Variants in NDUFAF2 observed in about 807,000 individuals in gnomAD.
NDUFAF2 encodes the protein NADH:ubiquinone oxidoreductase complex assembly factor 2, also known as NADH dehydrogenase [ubiquinone] 1 alpha subcomplex assembly factor 2.
Under a neutral mutation model 22.8 loss-of-function variants are expected in NDUFAF2, and 13 were observed. The ratio of observed to expected loss-of-function variants is 0.57; its 90% CI spans 0.37 to 0.91. NDUFAF2 has a LOEUF of 0.91. NDUFAF2 is among the 40% of genes least tolerant of loss of function. NDUFAF2 has a pLI of 0.01. For missense variants in NDUFAF2, 162 were observed against 195.2 expected (o/e 0.83, Z 1.01); for synonymous variants, 53 against 64.2 (o/e 0.83, Z 0.84).
chr5:61,013,403 T>C (rs1751466055), intron 1 of NDUFAF2, among the ~76,000 whole-genome samples: 1 of 152,192 alleles, frequency 6.6e-6, no homozygotes, highest in Admixed American at 6.5e-5. Context: ...TAATAATTTC[T>C]TTCAACTCTC....
chr5:60,983,872 T>G (rs565339965), intron 1 of NDUFAF2, among the ~76,000 whole-genome samples: 303 of 152,324 alleles, frequency 2.0e-3, no homozygotes, highest in Non-Finnish European at 3.7e-3. Context: ...TAGGATTGTC[T>G]TGGCAATGTG....
chr5:61,011,099 A>G (rs7716539), intron 1 of NDUFAF2, among the ~76,000 whole-genome samples: 9,531 of 152,192 alleles, frequency 0.063, 997 homozygotes, highest in African/African-American at 0.22. Flanking sequence ...ATGTGAGAGA[A>G]AAATAAATAT....
intron 2 of NDUFAF2, among the ~76,000 whole-genome samples, chr5:61,083,828 A>G (rs933878640): frequency 2.0e-5 from 3 of 151,758 alleles, no homozygotes; most frequent in East Asian, 3.8e-4. Context: ...TTGTATATCA[A>G]CTGTGTACTT....
intron 3 of NDUFAF2, among the ~76,000 whole-genome samples, chr5:61,122,022 G>T (rs541464096): frequency 3.3e-5 from 5 of 151,936 alleles, no homozygotes; most frequent in Admixed American, 6.6e-5. Flanking sequence ...TAGAGATGAG[G>T]TTTTACCATA....
At chr5:61,131,084 A>G (rs1473327514) in intron 3 of NDUFAF2, among the ~76,000 whole-genome samples, 3 of 152,180 alleles carry the variant, frequency 2.0e-5, no homozygotes, top group East Asian at 3.8e-4. Context: ...GACTGAGGGG[A>G]AAAGTTTTAA....
At chr5:60,993,751 G>A (rs775649268) in intron 1 of NDUFAF2, among the ~76,000 whole-genome samples, 22 of 152,226 alleles carry the variant, frequency 1.4e-4, no homozygotes, top group Non-Finnish European at 2.9e-4. Flanking sequence ...GCAGAGAGGA[G>A]TTCCTGGAGT....
chr5:61,006,452 A>G (rs1398635726), intron 1 of NDUFAF2, among the ~76,000 whole-genome samples: 1 of 152,170 alleles, frequency 6.6e-6, no homozygotes. Flanking sequence ...TATGAACTTT[A>G]AAGTAGTTTT....
chr5:60,993,912 C>T (rs769574517), intron 1 of NDUFAF2, among the ~76,000 whole-genome samples: 2 of 152,234 alleles, frequency 1.3e-5, no homozygotes, highest in Non-Finnish European at 2.9e-5. Flanking sequence ...CTCTGGTCTG[C>T]AAGACTGGCA....
chr5:61,019,329 A>G (rs1051553692), intron 1 of NDUFAF2, among the ~76,000 whole-genome samples: 3 of 152,098 alleles, frequency 2.0e-5, no homozygotes, highest in Admixed American at 1.3e-4. Context: ...TGTCTGGCAC[A>G]TAGTAAGTGC....
At chr5:60,946,715 T>G (rs1750463352) in intron 1 of NDUFAF2, among the ~76,000 whole-genome samples, 1 of 152,222 alleles carries the variant, frequency 6.6e-6, no homozygotes, top group Non-Finnish European at 1.5e-5. Context: ...TTTATTGTTT[T>G]TGACAAATGA....
At chr5:61,027,637 C>T (rs1751667724) in intron 1 of NDUFAF2, among the ~76,000 whole-genome samples, 1 of 151,944 alleles carries the variant, frequency 6.6e-6, no homozygotes, top group South Asian at 2.1e-4. Flanking sequence ...TTAGGTCATT[C>T]ATGTAATCCA....
rs1415054420 is a variant in NDUFAF2, at chr5:61,007,787, T to C, written c.127+62405T>C. ...GAACTAGAAATACCATTTGACCCAG[T>C]CATCCCATTACTGGGTATATACCCA... On this transcript the variant is annotated intron_variant, in intron 1 of 3. Coordinates refer to ENST00000296597, the MANE Select transcript of NDUFAF2 (RefSeq NM_174889.5). Among the ~76,000 whole-genome samples, 40 of 152,176 alleles carry C rather than the reference T, an allele frequency of 2.6e-4. No individual in the cohort carries two copies. The South Asian group carries it at 7.9e-3, about 30-fold the overall frequency.
At chr5:60,978,762 C>T (rs892730513) in intron 1 of NDUFAF2, among the ~76,000 whole-genome samples, 2 of 152,138 alleles carry the variant, frequency 1.3e-5, no homozygotes, top group Non-Finnish European at 1.5e-5. Flanking sequence ...AGTTTTGGTG[C>T]TGTACTATGC....
intron 2 of NDUFAF2, among the ~76,000 whole-genome samples, chr5:61,090,360 G>A (rs1041558448): frequency 6.6e-6 from 1 of 151,932 alleles, no homozygotes; most frequent in African/African-American, 2.4e-5. Flanking sequence ...GTTTGTCTGT[G>A]TTCCAATCAA....
intron 1 of NDUFAF2, among the ~76,000 whole-genome samples, chr5:60,950,964 T>G (rs985988036): frequency 6.6e-6 from 1 of 152,192 alleles, no homozygotes; most frequent in Admixed American, 6.5e-5. Context: ...CTGGCTTCTT[T>G]CACTTAGTAA....
At chr5:61,055,612 C>T (rs1234830298) in intron 1 of NDUFAF2, among the ~76,000 whole-genome samples, 4 of 152,112 alleles carry the variant, frequency 2.6e-5, no homozygotes, top group Admixed American at 6.6e-5. Flanking sequence ...ATAAGTGGTG[C>T]TATTGTCACA....
At chr5:61,005,242 C>G (rs1346080924) in intron 1 of NDUFAF2, among the ~76,000 whole-genome samples, 1 of 152,102 alleles carries the variant, frequency 6.6e-6, no homozygotes, top group Non-Finnish European at 1.5e-5. Context: ...CTAGCTTCAT[C>G]CATGTCCCTA....
chr5:60,995,484 A>G (rs1751217296), intron 1 of NDUFAF2, among the ~76,000 whole-genome samples: 1 of 152,216 alleles, frequency 6.6e-6, no homozygotes, highest in Non-Finnish European at 1.5e-5. Flanking sequence ...TCTCTAGATT[A>G]CCAGGCAGAG....
chr5:61,004,082 T>C (rs2928246), intron 1 of NDUFAF2, among the ~76,000 whole-genome samples: 22,582 of 152,174 alleles, frequency 0.15, 2,131 homozygotes, highest in South Asian at 0.28. Flanking sequence ...TTGCCTATCC[T>C]GTAAAATATT....
Sources: allele counts gnomAD v4.1 joint callset (sites outside exome capture counted in the v4.1 genomes callset), GRCh38; gene constraint gnomAD v4.1.1; transcripts MANE v1.5; gene names NCBI Gene and HGNC (gene_info 2026-07-23, HGNC 2026-07-21).